The following FOXN3 variants were observed in gnomAD, a reference collection of about 807,000 sequenced individuals.
FOXN3 encodes the protein forkhead box N3, also known as forkhead box protein N3.
FOXN3 carries 7 observed loss-of-function variants against 38.4 expected under a neutral mutation model. The observed-to-expected ratio is 0.18, with a 90% confidence interval of 0.10 to 0.34. The LOEUF (loss-of-function observed/expected upper bound fraction) is 0.34, where lower values mean the gene tolerates loss of function less well. FOXN3 is among the 10% of genes least tolerant of loss of function. FOXN3 has a pLI of 1.00. For synonymous variants in FOXN3, 230 were observed against 242.2 expected, an observed-to-expected ratio of 0.95 and a Z score of 0.47; for missense variants, 456 against 613.4, an observed-to-expected ratio of 0.74 and a Z score of 2.71.
chr14:89,288,671 T>G (rs867922789), intron 3 of FOXN3, among the ~76,000 whole-genome samples: 10,958 of 59,600 alleles, frequency 0.18, 1,328 homozygotes, highest in East Asian at 0.31. Context: ...GCACTCTCTT[T>G]CTCTCTCTCT....
At chr14:89,371,980 T>C (rs1163132144) in intron 2 of FOXN3, among the ~76,000 whole-genome samples, 3 of 152,070 alleles carry the variant, frequency 2.0e-5, no homozygotes, top group Non-Finnish European at 4.4e-5. Context: ...ACCCCCGGCT[T>C]TGCTAGTTTC....
At chr14:89,411,900 AAG>A (rs759371795) in intron 2 of FOXN3, 32 bp downstream of exon 2, 2 of 1,300,368 alleles carry the variant, frequency 1.5e-6, no homozygotes, top group Non-Finnish European at 2.0e-6. Context: ...AAAAAAAAAA[AAG>A]AAAACCTTGG....
At chr14:89,614,178 A>G (rs1394043529) in intron 1 of FOXN3, among the ~76,000 whole-genome samples, 4 of 152,234 alleles carry the variant, frequency 2.6e-5, no homozygotes, top group African/African-American at 9.6e-5. Context: ...AGCTTGGCAA[A>G]TTTTCATTTC....
At chr14:89,616,959 G>C (rs1461642321) in intron 1 of FOXN3, among the ~76,000 whole-genome samples, 1 of 152,312 alleles carries the variant, frequency 6.6e-6, no homozygotes, top group East Asian at 1.9e-4. Flanking sequence ...GATGCTGTGG[G>C]AAAGCTTACA....
Position 89,607,289 on chromosome 14 carries a change from T to C in FOXN3, c.-15+11739A>G, listed in dbSNP as rs139420832. Among the ~76,000 whole-genome samples the C allele has an allele frequency of 2.9e-3, 447 of 152,284 alleles. 1 individual carries two copies. The highest frequency in any genetic ancestry group is 0.014 in the Middle Eastern group (4 of 294). On this transcript the variant is annotated intron_variant, in intron 1 of 6. Coordinates refer to the FOXN3 transcript ENST00000345097. ...AGACTCAGGTTTGGGCCAAGCCCGG[T>C]AGCTCATGCCTATAATTCCAGCACT...
chr14:89,311,611 G>A (rs1887551055), intron 3 of FOXN3, among the ~76,000 whole-genome samples: 1 of 151,630 alleles, frequency 6.6e-6, no homozygotes, highest in Non-Finnish European at 1.5e-5. Context: ...CGGATCACAA[G>A]ATCAGGAGGT....
chr14:89,370,825 G>A (rs1020730627), intron 2 of FOXN3, among the ~76,000 whole-genome samples: 10 of 152,198 alleles, frequency 6.6e-5, no homozygotes, highest in African/African-American at 2.4e-4. Context: ...CCCCAGTGAG[G>A]ACGTAACTTC....
intron 3 of FOXN3, chr14:89,290,497 G>T: frequency 2.1e-6 from 1 of 484,942 alleles, no homozygotes; most frequent in South Asian, 1.7e-5. Flanking sequence ...TTTTCCACTG[G>T]AATGGAGTTT....
At chr14:89,530,145 G>T (rs921188844) in intron 1 of FOXN3, among the ~76,000 whole-genome samples, 1 of 151,938 alleles carries the variant, frequency 6.6e-6, no homozygotes, top group Non-Finnish European at 1.5e-5. Flanking sequence ...TCATCATGTT[G>T]GTCAGGCTGG....
chr14:89,399,258 A>G (rs971825416), intron 2 of FOXN3, among the ~76,000 whole-genome samples: 5 of 152,204 alleles, frequency 3.3e-5, no homozygotes, highest in Non-Finnish European at 7.3e-5. Flanking sequence ...TGGAACCATC[A>G]CATCACAGGG....
At chr14:89,256,330 G>T (rs1343546188) in intron 4 of FOXN3, among the ~76,000 whole-genome samples, 9 of 152,174 alleles carry the variant, frequency 5.9e-5, no homozygotes, top group Admixed American at 1.3e-4. Context: ...CTGGCAATCA[G>T]AGGGGAGAGT....
At chr14:89,236,538 C>A (rs377706765) in intron 4 of FOXN3, among the ~76,000 whole-genome samples, 1 of 152,080 alleles carries the variant, frequency 6.6e-6, no homozygotes, top group Non-Finnish European at 1.5e-5. Flanking sequence ...GAAAGTAGCA[C>A]GCAGCCAGCA....
chr14:89,248,602 C>T (rs140632254), intron 4 of FOXN3, among the ~76,000 whole-genome samples: 31 of 152,304 alleles, frequency 2.0e-4, no homozygotes, highest in African/African-American at 6.7e-4. Flanking sequence ...AAGATAAGTG[C>T]ATGCCTACGT....
intron 1 of FOXN3, among the ~76,000 whole-genome samples, chr14:89,578,207 C>T (rs757269308): frequency 1.8e-4 from 28 of 152,328 alleles, no homozygotes; most frequent in Non-Finnish European, 3.4e-4. Flanking sequence ...AACTAACTCT[C>T]TTTGAATGTC....
At chr14:89,337,783 C>T (rs1175869659) in intron 3 of FOXN3, among the ~76,000 whole-genome samples, 1 of 152,134 alleles carries the variant, frequency 6.6e-6, no homozygotes, top group Non-Finnish European at 1.5e-5. Flanking sequence ...GCACGTGTCA[C>T]CAAGCCCAGC....
chr14:89,215,692 A>G (rs1884256225), intron 4 of FOXN3, among the ~76,000 whole-genome samples: 1 of 152,202 alleles, frequency 6.6e-6, no homozygotes, highest in South Asian at 2.1e-4. Context: ...GTGAATCCCC[A>G]TCAGATGAAA....
chr14:89,473,369 T>G (rs1299605158), intron 1 of FOXN3, among the ~76,000 whole-genome samples: 1 of 151,204 alleles, frequency 6.6e-6, no homozygotes, highest in Non-Finnish European at 1.5e-5. Flanking sequence ...TATGGAAGAT[T>G]TACTCCACAA....
intron 1 of FOXN3, among the ~76,000 whole-genome samples, chr14:89,443,052 G>A (rs1242614321): frequency 1.3e-5 from 2 of 152,302 alleles, no homozygotes; most frequent in East Asian, 3.9e-4. Flanking sequence ...TTCTGCCAAC[G>A]GCTCAGCAAA....
At chr14:89,522,163 A>G (rs942658786) in intron 1 of FOXN3, among the ~76,000 whole-genome samples, 5 of 150,194 alleles carry the variant, frequency 3.3e-5, no homozygotes, top group African/African-American at 1.3e-4. Context: ...ATGCTGAAAG[A>G]AAAAAACTGT....
Sources: gnomAD v4.1 joint callset for allele counts (sites outside exome capture counted in the v4.1 genomes callset) on GRCh38, gnomAD v4.1.1 for gene constraint, MANE v1.5 for transcripts, NCBI Gene and HGNC (gene_info 2026-07-23, HGNC 2026-07-21) for gene names.